HFM1: variants seen among roughly 807,000 people sequenced by gnomAD.
HFM1 encodes probable ATP-dependent DNA helicase HFM1.
Under a neutral mutation model 192.1 loss-of-function variants are expected in HFM1, and 169 were observed. That is an observed-to-expected ratio of 0.88 (90% CI 0.78 to 1.00). The LOEUF (loss-of-function observed/expected upper bound fraction) is 1.00, where lower values mean the gene tolerates loss of function less well. Among genes scored for constraint, HFM1 ranks in the 50% least tolerant of loss-of-function variants. The pLI, the probability that HFM1 is intolerant of heterozygous loss-of-function variation, is 0.00. For missense variants in HFM1, 1,661 were observed against 1,668.0 expected (o/e 1.00, Z 0.07); for synonymous variants, 525 against 537.8 (o/e 0.98, Z 0.33).
At chr1:91,309,405 G>T (rs1479849602) in intron 30 of HFM1, among the ~76,000 whole-genome samples, 1 of 152,168 alleles carries the variant, frequency 6.6e-6, no homozygotes, top group Admixed American at 6.5e-5. Flanking sequence ...ATTTTTGAAA[G>T]CTAGTCCTAA....
chr1:91,385,367 G>C (rs745918800), intron 5 of HFM1, 133 bp from the exon 6 acceptor site: 26 of 756,142 alleles, frequency 3.4e-5, no homozygotes, highest in African/African-American at 5.4e-5. Flanking sequence ...TTTTTATTGA[G>C]AGCAAAGTTA....
At chr1:91,393,471 T>C (rs1475335039) in intron 4 of HFM1, among the ~76,000 whole-genome samples, 2 of 152,050 alleles carry the variant, frequency 1.3e-5, no homozygotes, top group African/African-American at 4.8e-5. Context: ...GTTCTTTAAA[T>C]CAAAAAAGGG....
At chr1:91,267,187 A>G (rs1665849083) in intron 35 of HFM1, among the ~76,000 whole-genome samples, 1 of 152,180 alleles carries the variant, frequency 6.6e-6, no homozygotes, top group Non-Finnish European at 1.5e-5. Context: ...AAGAGCTAAT[A>G]AGCCTCATTA....
At chr1:91,376,973 CA>C (rs1035831155) in intron 11 of HFM1, among the ~76,000 whole-genome samples, 1 of 151,388 alleles carries the variant, frequency 6.6e-6, no homozygotes, top group Non-Finnish European at 1.5e-5. Context: ...TTTACAATAG[CA>C]AAAATTGGAA....
chr1:91,282,625 C>CA lies in HFM1; in HGVS notation c.3392-5564dup, dbSNP rs145896018. On this transcript the variant is annotated intron_variant, in intron 30 of 38. Coordinates refer to ENST00000370425, the MANE Select transcript of HFM1 (RefSeq NM_001017975.6). Reference sequence around the variant, plus strand: ...TCAAGACTATGCTGTTAGTAAGTAGCAAATTTGAGATTCTAATTCAAGGTA... The same window carrying CA: ...TCAAGACTATGCTGTTAGTAAGTAGCAAAATTTGAGATTCTAATTCAAGGTA... Among the ~76,000 whole-genome samples, 1,214 of 152,162 alleles carry CA rather than the reference C, an allele frequency of 8.0e-3. 21 individuals are homozygous for CA. The highest frequency in any genetic ancestry group is 0.028 in the African/African-American group (1,147 of 41,504).
At chr1:91,344,283 A>G (rs1042101509) in intron 19 of HFM1, among the ~76,000 whole-genome samples, 9 of 152,244 alleles carry the variant, frequency 5.9e-5, no homozygotes, top group South Asian at 4.1e-4. Flanking sequence ...TAATAGTTCA[A>G]TCCTAAATAG....
intron 13 of HFM1, among the ~76,000 whole-genome samples, chr1:91,364,632 A>ATATATATTT (rs753472335): frequency 4.3e-4 from 29 of 66,766 alleles, no homozygotes; most frequent in Admixed American, 1.0e-3. Flanking sequence ...ATATATATAT[A>ATATATATTT]TTTTTTTTTT....
chr1:91,299,641 C>T lies in HFM1; in HGVS notation c.3391+13708G>A, dbSNP rs553571799. On this transcript the variant is annotated intron_variant, in intron 30 of 38. Transcript: ENST00000370425. ...CAGGATTAAGAAATTCACTCAAAAC[C>T]GCTCAACTACATGGAAACTGAACAT... Among the ~76,000 whole-genome samples, 361 of 152,246 alleles carry T rather than the reference C, an allele frequency of 2.4e-3. 5 individuals are homozygous for T. The highest frequency in any genetic ancestry group is 8.2e-3 in the African/African-American group (339 of 41,528).
At chr1:91,337,716 A>G (rs1389256066) in intron 20 of HFM1, among the ~76,000 whole-genome samples, 1 of 152,226 alleles carries the variant, frequency 6.6e-6, no homozygotes, top group East Asian at 1.9e-4. Flanking sequence ...GGAACACCAG[A>G]AAAGCCAAGA....
rs1391005527 is a variant in HFM1, at chr1:91,353,140, T to C, written c.1742A>G (p.Asp581Gly). 1 of 1,608,248 alleles carries C rather than the reference T, an allele frequency of 6.2e-7. No homozygotes were observed. The highest frequency in any genetic ancestry group is 2.2e-5 in the East Asian group (1 of 44,698). ...RDSKLRDILK[D>G]GAAYHHAGME... ...ACCAGCATGATGATAAGCAGCACCA[T>C]CTTTTAAGATATCTGTAATAGAAAT... is the stretch of plus-strand genomic sequence containing the variant. The change falls in exon 15 of 39, where the codon GAT (aspartate) becomes GGT (glycine). Residue 581 changes from aspartate (D) to glycine (G), a missense_variant. Transcript: ENST00000370425.
chr1:91,392,703 C>A (rs1247281188), intron 4 of HFM1, among the ~76,000 whole-genome samples: 1 of 152,056 alleles, frequency 6.6e-6, no homozygotes, highest in Non-Finnish European at 1.5e-5. Flanking sequence ...ATGTAACAAA[C>A]CTGCATGTTG....
chr1:91,323,319 T>C, intron 21 of HFM1, 120 bp from the exon 22 acceptor site: 4 of 634,686 alleles, frequency 6.3e-6, no homozygotes, highest in South Asian at 6.1e-5. Context: ...TCAATGAACA[T>C]AACAGAGTTA....
chr1:91,265,506 G>A (rs1244096240), intron 36 of HFM1, among the ~76,000 whole-genome samples: 1 of 404 alleles, frequency 2.5e-3, no homozygotes, highest in East Asian at 0.5. Flanking sequence ...AGGTATTTGG[G>A]TTTGCGACCC....
chr1:91,389,193 G>A (rs974583818), intron 4 of HFM1, among the ~76,000 whole-genome samples: 6 of 131,896 alleles, frequency 4.5e-5, no homozygotes, highest in South Asian at 2.5e-4. Flanking sequence ...CTGGAGTCTC[G>A]CTCTGTCACC....
chr1:91,300,375 T>C (rs1648528864), intron 30 of HFM1, among the ~76,000 whole-genome samples: 1 of 152,198 alleles, frequency 6.6e-6, no homozygotes. Context: ...GCTGGTACCA[T>C]TCCTTCTGAA....
At chr1:91,341,295 C>A (rs281947) in intron 20 of HFM1, among the ~76,000 whole-genome samples, 152,139 of 152,322 alleles carry the variant, frequency 1, 75,978 homozygotes, top group Non-Finnish European at 1. Context: ...CAAAGCCATA[C>A]AATTACATGG....
intron 28 of HFM1, 123 bp downstream of exon 28, chr1:91,315,692 T>C (rs1651087006): frequency 3.2e-6 from 2 of 634,688 alleles, no homozygotes; most frequent in Non-Finnish European, 5.3e-6. Context: ...CATCCCATTA[T>C]TGTGTCAGGA....
chr1:91,327,382 G>C (rs947879823), intron 20 of HFM1, among the ~76,000 whole-genome samples: 1 of 152,168 alleles, frequency 6.6e-6, no homozygotes, highest in African/African-American at 2.4e-5. Context: ...GCCAGGAATG[G>C]TGGCATGTGC....
chr1:91,314,346 T>C lies in HFM1; in HGVS notation c.3141-286A>G, dbSNP rs896807349. 2.5e-4 allele frequency among the ~76,000 whole-genome samples: 38 copies of C among 152,222 alleles called. 1 individual carries two copies. Among genetic ancestry groups the C allele is most frequent in the African/African-American group, 9.2e-4 (38 of 41,462 alleles). On this transcript the variant is annotated intron_variant, in intron 28 of 38. Transcript: ENST00000370425. ...ATACCTCACTGCAGCCACAAACTCC[T>C]AGGCTCAGGCAGTCTTCCTGCCTCG...
Sources: gnomAD v4.1 joint callset for allele counts (sites outside exome capture counted in the v4.1 genomes callset) on GRCh38, gnomAD v4.1.1 for gene constraint, MANE v1.5 for transcripts, NCBI Gene and HGNC (gene_info 2026-07-23, HGNC 2026-07-21) for gene names.